The following NCKAP5 variants were observed in gnomAD, a reference collection of about 807,000 sequenced individuals.
NCKAP5 encodes the protein nck-associated protein 5.
A neutral mutation model predicts 167.0 loss-of-function variants in NCKAP5; 92 were observed. The observed-to-expected ratio is 0.55, with a 90% confidence interval of 0.47 to 0.66. NCKAP5 has a LOEUF of 0.66. NCKAP5 is among the 30% of genes least tolerant of loss of function. NCKAP5 has a pLI of 0.00. For synonymous variants in NCKAP5, 891 were observed against 877.4 expected, an observed-to-expected ratio of 1.02 and a Z score of -0.27; for missense variants, 2,378 against 2,315.0, an observed-to-expected ratio of 1.03 and a Z score of -0.56.
the NCKAP5 span, among the ~76,000 whole-genome samples, chr2:133,617,247 C>G: frequency 2.0e-3 from 298 of 152,312 alleles, no homozygotes; most frequent in African/African-American, 6.4e-3. Flanking sequence ...TGGCACAAGA[C>G]AGGGATGCCC....
At chr2:133,627,838 C>G in the NCKAP5 span, among the ~76,000 whole-genome samples, 3 of 152,170 alleles carry the variant, frequency 2.0e-5, no homozygotes, top group South Asian at 6.2e-4. Flanking sequence ...TCTACAGGCC[C>G]CTTCTCAAGG....
chr2:132,769,309 C>T (rs1681814357), intron 16 of NCKAP5, among the ~76,000 whole-genome samples: 1 of 152,124 alleles, frequency 6.6e-6, no homozygotes, highest in African/African-American at 2.4e-5. Context: ...AACATGATTA[C>T]CCTTAACCAC....
chr2:133,654,889 T>C, the NCKAP5 span, among the ~76,000 whole-genome samples: 2 of 152,102 alleles, frequency 1.3e-5, no homozygotes, highest in Non-Finnish European at 2.9e-5. Flanking sequence ...TTAACTGGGG[T>C]CTTGGGGAAA....
chr2:133,498,856 C>T (rs1259184603), intron 3 of NCKAP5, among the ~76,000 whole-genome samples: 4 of 152,174 alleles, frequency 2.6e-5, no homozygotes, highest in African/African-American at 9.7e-5. Flanking sequence ...GGCAGTTTGA[C>T]ACAATTACCT....
intron 8 of NCKAP5, among the ~76,000 whole-genome samples, chr2:132,892,100 G>A (rs1246863555): frequency 6.6e-6 from 1 of 152,170 alleles, no homozygotes; most frequent in Non-Finnish European, 1.5e-5. Context: ...AATTGTCCCT[G>A]CTGAGGGAGA....
At position 133,447,609 on chromosome 2, in the gene NCKAP5, C is replaced by T. The variant is rs183574025; in HGVS notation, c.69+69849G>A. On this transcript the variant is annotated intron_variant, in intron 3 of 19. Transcript: ENST00000409261. The stretch of plus-strand genomic sequence containing the variant: ...CCTTCCGTTCCCTTCCTTTCCCCTT[C>T]TGTTCCCTTCCTTTCCCCTTCCCCT... 3.1e-3 allele frequency among the ~76,000 whole-genome samples: 436 copies of T among 139,798 alleles called. 1 individual carries two copies. Among genetic ancestry groups the T allele is most frequent in the Non-Finnish European group, 5.0e-3 (326 of 65,692 alleles). The allele number at this position is 139,798 out of a possible 152,430, so 91.7% of individuals were successfully genotyped here.
intron 6 of NCKAP5, chr2:133,118,872 G>C (rs916892413): frequency 6.6e-6 from 1 of 152,146 alleles, no homozygotes; most frequent in Non-Finnish European, 1.5e-5. Flanking sequence ...TTCAGCAAAA[G>C]TGGTTTGAAA....
At chr2:133,253,147 C>A (rs1273258710) in intron 4 of NCKAP5, among the ~76,000 whole-genome samples, 1 of 152,222 alleles carries the variant, frequency 6.6e-6, no homozygotes, top group Non-Finnish European at 1.5e-5. Context: ...CTTTTCCACT[C>A]AACGATGCAA....
intron 6 of NCKAP5, among the ~76,000 whole-genome samples, chr2:133,028,769 T>G (rs2078780517): frequency 6.6e-6 from 1 of 152,184 alleles, no homozygotes; most frequent in African/African-American, 2.4e-5. Flanking sequence ...TAGGGCCTGG[T>G]GGGAGGTAAC....
chr2:132,893,355 A>T (rs2148878086), intron 8 of NCKAP5, among the ~76,000 whole-genome samples: 1 of 152,314 alleles, frequency 6.6e-6, no homozygotes, highest in Middle Eastern at 3.4e-3. Context: ...GGGTGTACAC[A>T]TGGGTTCACA....
chr2:133,349,338 C>T (rs1254145540), intron 3 of NCKAP5, among the ~76,000 whole-genome samples: 1 of 152,110 alleles, frequency 6.6e-6, no homozygotes, highest in Non-Finnish European at 1.5e-5. Flanking sequence ...AAAAGGCTGC[C>T]ACAGTGGGCC....
chr2:133,470,693 G>A (rs1683451040), intron 3 of NCKAP5, among the ~76,000 whole-genome samples: 1 of 152,240 alleles, frequency 6.6e-6, no homozygotes, highest in African/African-American at 2.4e-5. Context: ...TCCAAGCCAG[G>A]TGCAGGATAT....
chr2:133,005,661 A>T (rs1361093078), intron 6 of NCKAP5, among the ~76,000 whole-genome samples: 4 of 152,220 alleles, frequency 2.6e-5, no homozygotes, highest in Admixed American at 6.5e-5. Context: ...CTTTAAAAAT[A>T]AATCTATTAT....
intron 6 of NCKAP5, among the ~76,000 whole-genome samples, chr2:133,001,941 T>A (rs1171038600): frequency 2.0e-5 from 3 of 152,182 alleles, no homozygotes; most frequent in Non-Finnish European, 2.9e-5. Context: ...GAATGAAGTG[T>A]AGGCGTCGTA....
At chr2:133,132,867 A>G (rs1559174496) in intron 5 of NCKAP5, among the ~76,000 whole-genome samples, 1 of 151,818 alleles carries the variant, frequency 6.6e-6, no homozygotes, top group Non-Finnish European at 1.5e-5. Flanking sequence ...TAGTAGAGAC[A>G]GGGTTTCTCG....
chr2:132,855,103 C>T (rs1359860056), intron 11 of NCKAP5, among the ~76,000 whole-genome samples: 11 of 152,134 alleles, frequency 7.2e-5, no homozygotes. Flanking sequence ...CCCAAACCAA[C>T]CTCACGTGTT....
At chr2:132,975,490 C>T (rs935143197) in intron 7 of NCKAP5, among the ~76,000 whole-genome samples, 3 of 152,084 alleles carry the variant, frequency 2.0e-5, no homozygotes, top group Non-Finnish European at 4.4e-5. Context: ...CTCCATCTAT[C>T]GGCAACACTT....
At chr2:133,102,247 A>G (rs966239515) in intron 6 of NCKAP5, among the ~76,000 whole-genome samples, 29 of 152,096 alleles carry the variant, frequency 1.9e-4, no homozygotes, top group Non-Finnish European at 7.3e-5. Flanking sequence ...CCCGGGTTCA[A>G]GTGATTCTCC....
At chr2:132,706,047 CAT>C (rs1212722827) in intron 19 of NCKAP5, among the ~76,000 whole-genome samples, 2 of 152,068 alleles carry the variant, frequency 1.3e-5, no homozygotes, top group African/African-American at 2.4e-5. Context: ...ATACAACATA[CAT>C]ATATATACAC....
Sources: gnomAD v4.1 joint callset for allele counts (sites outside exome capture counted in the v4.1 genomes callset) on GRCh38, gnomAD v4.1.1 for gene constraint, MANE v1.5 for transcripts, NCBI Gene and HGNC (gene_info 2026-07-23, HGNC 2026-07-21) for gene names.